Variants in TAF1 observed in about 807,000 individuals in gnomAD.
The protein encoded by TAF1 is transcription initiation factor TFIID subunit 1.
Under a neutral mutation model 138.5 loss-of-function variants are expected in TAF1, and 2 were observed. The ratio of observed to expected loss-of-function variants is 0.01; its 90% confidence interval spans 0.01 to 0.05. The LOEUF is 0.05. Ranked by LOEUF, TAF1 falls within the 10% of genes least tolerant of loss-of-function variation. TAF1 has a pLI of 1.00. For missense variants in TAF1, 709 were observed against 1,478.0 expected, an observed-to-expected ratio of 0.48 and a Z score of 8.53; for synonymous variants, 437 against 503.2, an observed-to-expected ratio of 0.87 and a Z score of 1.76.
intron 14 of TAF1, among the ~76,000 whole-genome samples, chrX:71,529,078 GTTTTTT>G (rs371086480): frequency 5.3e-5 from 5 of 95,083 alleles, no homozygotes; most frequent in African/African-American, 1.9e-4. Context: ...TTTTGTTTTT[GTTTTTT>G]TTTTTGAGAC....
chrX:71,413,609 C>G (rs1207377375), intron 28 of TAF1, among the ~76,000 whole-genome samples: 1 of 111,508 alleles, frequency 9.0e-6, no homozygotes, highest in Non-Finnish European at 1.9e-5. Flanking sequence ...CATAATATAT[C>G]TGTTAACATC....
chrX:71,500,682 C>T (rs887399169), intron 13 of TAF1, among the ~76,000 whole-genome samples: 1 of 110,607 alleles, frequency 9.0e-6, no homozygotes, highest in African/African-American at 3.3e-5. Context: ...ATTTAGTGGA[C>T]CTTACCGACG....
chrX:71,474,258 G>T (rs988728958), intron 13 of TAF1, among the ~76,000 whole-genome samples: 1 of 111,921 alleles, frequency 8.9e-6, no homozygotes, highest in Admixed American at 9.6e-5. Context: ...AGAATTTTAC[G>T]CAGGTGAAGG....
intron 13 of TAF1, among the ~76,000 whole-genome samples, chrX:71,481,575 T>G (rs1369616679): frequency 9.0e-6 from 1 of 111,259 alleles, no homozygotes. Context: ...TTTTGTTTTT[T>G]GAGACAGAGT....
chrX:71,441,446 G>T (rs913407587), intron 32 of TAF1, among the ~76,000 whole-genome samples: 1 of 110,425 alleles, frequency 9.1e-6, no homozygotes, highest in Non-Finnish European at 1.9e-5. Context: ...TAAATTGATA[G>T]CAATTGTACA....
chrX:71,512,882 GTCAATGAATAAGAGCTT>G (rs759656480), intron 13 of TAF1, among the ~76,000 whole-genome samples: 14 of 112,256 alleles, frequency 1.2e-4, no homozygotes, highest in African/African-American at 4.5e-4. Flanking sequence ...GGTGATGGAA[GTCAATGAATAAGAGCTT>G]TCAACGAGGA....
At chrX:71,424,928 C>CTT (rs945283201) in intron 32 of TAF1, among the ~76,000 whole-genome samples, 1 of 110,760 alleles carries the variant, frequency 9.0e-6, no homozygotes, top group East Asian at 2.8e-4. Flanking sequence ...CCCAGCCAGT[C>CTT]TTTTTTTTTA....
chrX:71,433,206 T>C (rs754286138), intron 32 of TAF1, among the ~76,000 whole-genome samples: 2 of 112,379 alleles, frequency 1.8e-5, no homozygotes, highest in South Asian at 3.7e-4. Flanking sequence ...ATTCTGGGTA[T>C]AGCCATGGAT....
intron 28 of TAF1, chrX:71,420,598 C>T: frequency 8.3e-7 from 1 of 1,209,516 alleles, no homozygotes; most frequent in African/African-American, 1.7e-5. Flanking sequence ...CCTTTAGCTT[C>T]TCAGCTTCTT....
intron 13 of TAF1, among the ~76,000 whole-genome samples, chrX:71,480,058 CTG>C (rs1409442945): frequency 1.8e-5 from 2 of 110,781 alleles, no homozygotes; most frequent in African/African-American, 6.6e-5. Context: ...GACCATGTCT[CTG>C]TGAAAAATCA....
At chrX:71,425,731 A>AGTTCCC (rs1402322369) in intron 32 of TAF1, among the ~76,000 whole-genome samples, 4 of 111,224 alleles carry the variant, frequency 3.6e-5, no homozygotes, top group Non-Finnish European at 7.5e-5. Context: ...AGAGCAAGGA[A>AGTTCCC]TAACCTGAGA....
chrX:71,403,911 C>CTTTTTTTTTTTTTTT (rs34947744), intron 25 of TAF1, among the ~76,000 whole-genome samples: 2 of 86,212 alleles, frequency 2.3e-5, no homozygotes, highest in African/African-American at 4.2e-5. Flanking sequence ...TTTTTTTTTT[C>CTTTTTTTTTTTTTTT]TTTTTTTTTT....
chrX:71,461,977 A>G (rs1021579118), intron 37 of TAF1, among the ~76,000 whole-genome samples: 14 of 111,947 alleles, frequency 1.3e-4, no homozygotes, highest in Non-Finnish European at 7.5e-5. Flanking sequence ...GGAAGAGCCT[A>G]TATGAAGACA....
At chrX:71,387,167 TG>T in intron 14 of TAF1, 93 bp from the exon 15 acceptor site, 1 of 904,855 alleles carries the variant, frequency 1.1e-6, no homozygotes. Context: ...GTAATTAAGA[TG>T]GAGAGCAATA....
At chrX:71,452,622 G>A (rs2038064144) in intron 32 of TAF1, among the ~76,000 whole-genome samples, 1 of 110,336 alleles carries the variant, frequency 9.1e-6, no homozygotes, top group Non-Finnish European at 1.9e-5. Context: ...GACGATGGGC[G>A]GCCAGGCAGA....
chrX:71,504,995 G>A (rs1198301048), intron 13 of TAF1, among the ~76,000 whole-genome samples: 1 of 107,416 alleles, frequency 9.3e-6, no homozygotes, highest in Non-Finnish European at 1.9e-5. Flanking sequence ...GTTGGGCATG[G>A]TGGCTTGTGC....
At chrX:71,428,078 C>A (rs1310559413) in intron 32 of TAF1, among the ~76,000 whole-genome samples, 2 of 91,314 alleles carry the variant, frequency 2.2e-5, no homozygotes, top group African/African-American at 8.4e-5. Flanking sequence ...TGCAGTGGCG[C>A]GATCTTGGCT....
At chrX:71,496,253 C>T (rs983892918) in intron 13 of TAF1, among the ~76,000 whole-genome samples, 6 of 112,102 alleles carry the variant, frequency 5.4e-5, no homozygotes, top group African/African-American at 1.3e-4. Flanking sequence ...AATTAAGATT[C>T]CCTGTTAGGA....
In TAF1 at chrX:71,388,760, G is replaced by T; in HGVS notation, c.2592G>T (p.Val864=). 8.3e-7 allele frequency: 1 copy of T among 1,211,774 alleles called. No individual in the cohort carries two copies. ...CAGGGATGGACTCAAACTGGTGGGT[G>T]CTTAAGTCTGATTTTCGTTTACCAA... ...KRTGMDSNWW[V]LKSDFRLPTE... The change falls in exon 17 of 38, where the codon GTG becomes GTT. Residue 864 remains valine, a synonymous_variant. Coordinates refer to ENST00000423759, the MANE Select transcript of TAF1 (RefSeq NM_004606.5).
Sources: gnomAD v4.1 joint callset for allele counts (sites outside exome capture counted in the v4.1 genomes callset) on GRCh38, gnomAD v4.1.1 for gene constraint, MANE v1.5 for transcripts, NCBI Gene and HGNC (gene_info 2026-07-23, HGNC 2026-07-21) for gene names.